Variants in LITAF observed in about 807,000 individuals in gnomAD.
The protein encoded by LITAF is lipopolysaccharide induced TNF factor.
Under a neutral mutation model 14.5 loss-of-function variants are expected in LITAF, and 9 were observed. The ratio of observed to expected loss-of-function variants is 0.62; its 90% CI spans 0.37 to 1.08. The LOEUF is 1.08. LITAF is among the 50% of genes least tolerant of loss of function. LITAF has a pLI of 0.01. For missense variants in LITAF, 206 were observed against 213.4 expected (o/e 0.97, Z 0.22); for synonymous variants, 98 against 88.2 (o/e 1.11, Z -0.62).
At chr16:11,631,592 G>A (rs947501142) in intron 3 of LITAF, among the ~76,000 whole-genome samples, 4 of 152,176 alleles carry the variant, frequency 2.6e-5, no homozygotes, top group African/African-American at 4.8e-5. Context: ...GTTTCACTAC[G>A]TTGCCCAGTC....
upstream of LITAF, among the ~76,000 whole-genome samples, chr16:11,640,270 G>A (rs567860049): frequency 5.3e-5 from 8 of 152,314 alleles, no homozygotes; most frequent in Admixed American, 5.2e-4. Context: ...ATGAACAAAC[G>A]AATGAAGGGG....
At chr16:11,616,703 C>T (rs2065021568) in intron 3 of LITAF, among the ~76,000 whole-genome samples, 1 of 151,824 alleles carries the variant, frequency 6.6e-6, no homozygotes, top group African/African-American at 2.4e-5. Context: ...TCATAAACAT[C>T]AAAAGATGCC....
intron 3 of LITAF, among the ~76,000 whole-genome samples, chr16:11,623,148 G>A (rs1011799876): frequency 6.6e-6 from 1 of 151,122 alleles, no homozygotes; most frequent in African/African-American, 2.4e-5. Flanking sequence ...ATTTTTAGTA[G>A]AGACGGGTTT....
At chr16:11,561,497 A>C (rs1396207022) in intron 1 of LITAF, 2 of 152,178 alleles carry the variant, frequency 1.3e-5, no homozygotes, top group Non-Finnish European at 2.9e-5. Flanking sequence ...GTAACATCTT[A>C]TCTTCTGGGA....
Position 11,549,350 on chromosome 16 carries a change from A to C in LITAF, c.*287T>G. 2.0e-6 allele frequency: 1 copy of C among 492,018 alleles called. No individual in the cohort carries two copies. The highest frequency in any genetic ancestry group is 5.7e-5 in the East Asian group (1 of 17,590). The allele number at this position is 492,018 out of a possible 1,614,324, so 30.5% of individuals were successfully genotyped here. A position where few individuals can be genotyped will look rare whatever the true frequency, so the allele number is the denominator to read the frequency against. ...CACAGGAAGATATTCGGATAGGGCA[A>C]TGATCACAGTTAGATGGCAGGACTC... On this transcript the variant is annotated 3_prime_UTR_variant, in exon 4 of 4. Transcript: ENST00000622633. This position sits in a 1 kb window ranked among gnomAD's most constrained non-coding sequence, Gnocchi z 4.6.
chr16:11,604,321 T>C (rs1055506337), intron 3 of LITAF, among the ~76,000 whole-genome samples: 1 of 152,224 alleles, frequency 6.6e-6, no homozygotes, highest in African/African-American at 2.4e-5. Context: ...TGACCTCTCA[T>C]GAGCCCCTGT....
intron 3 of LITAF, among the ~76,000 whole-genome samples, chr16:11,611,874 A>G (rs1379461200): frequency 6.6e-6 from 1 of 152,108 alleles, no homozygotes; most frequent in Non-Finnish European, 1.5e-5. Flanking sequence ...CATGTTGTCC[A>G]GGCTGGTCTC....
chr16:11,567,628 G>A (rs987972373), intron 1 of LITAF, among the ~76,000 whole-genome samples: 1 of 152,102 alleles, frequency 6.6e-6, no homozygotes, highest in African/African-American at 2.4e-5. Context: ...CTCAGCGGAG[G>A]AGACCCCTTG....
upstream of LITAF, among the ~76,000 whole-genome samples, chr16:11,588,066 C>A (rs1325740379): frequency 6.6e-6 from 1 of 152,162 alleles, no homozygotes; most frequent in African/African-American, 2.4e-5. Context: ...GTTCTTGCCA[C>A]CTTGCGCCAT....
intron 1 of LITAF, among the ~76,000 whole-genome samples, chr16:11,569,746 A>G (rs887763540): frequency 6.6e-6 from 1 of 152,186 alleles, no homozygotes; most frequent in Non-Finnish European, 1.5e-5. Flanking sequence ...AAGGTAAGAC[A>G]ATGGGGCCAA....
upstream of LITAF, among the ~76,000 whole-genome samples, chr16:11,590,757 G>C (rs1396572769): frequency 8.5e-6 from 1 of 117,934 alleles, no homozygotes; most frequent in Admixed American, 8.3e-5. Flanking sequence ...TTTTGAGATA[G>C]AGTCTCGTTC....
At chr16:11,568,926 C>T (rs919951229) in intron 1 of LITAF, among the ~76,000 whole-genome samples, 1 of 152,008 alleles carries the variant, frequency 6.6e-6, no homozygotes. Flanking sequence ...GTGATCCACC[C>T]GCTTCAGCCT....
At chr16:11,571,335 G>A (rs573760475) in intron 1 of LITAF, among the ~76,000 whole-genome samples, 2 of 152,290 alleles carry the variant, frequency 1.3e-5, no homozygotes, top group East Asian at 1.9e-4. Context: ...CCAAAGTGGT[G>A]GGATTACAGG....
chr16:11,613,357 A>C (rs1243762047), intron 3 of LITAF, among the ~76,000 whole-genome samples: 1 of 151,972 alleles, frequency 6.6e-6, no homozygotes, highest in Non-Finnish European at 1.5e-5. Context: ...GAGAGACCAG[A>C]CCTCCTGGGT....
At chr16:11,573,143 T>C (rs985530607) in intron 1 of LITAF, among the ~76,000 whole-genome samples, 6 of 152,106 alleles carry the variant, frequency 3.9e-5, no homozygotes, top group African/African-American at 1.4e-4. Context: ...TTGCCCAGGC[T>C]GGTCCCAAAC....
At chr16:11,629,879 G>A (rs991815192) in intron 3 of LITAF, among the ~76,000 whole-genome samples, 4 of 152,168 alleles carry the variant, frequency 2.6e-5, no homozygotes, top group South Asian at 2.1e-4. Flanking sequence ...ACAGCCTGGC[G>A]CATGGCAAGT....
rs542696261 is a variant in LITAF at position 11,562,246 on chromosome 16, G to A, written c.-5-5511C>T. Among the ~76,000 whole-genome samples the A allele has an allele frequency of 3.8e-3, 558 of 148,426 alleles. 3 individuals carry two copies. Among genetic ancestry groups the A allele is most frequent in the Non-Finnish European group, 5.1e-3 (346 of 67,370 alleles). ...TCTCCACACTGTGAACCTGGGAGAT[G>A]GAGGCTGCAGTGAGCCGAGATCGTG... is the stretch of plus-strand genomic sequence containing the variant. On this transcript the variant is annotated intron_variant, in intron 1 of 3. Transcript: ENST00000622633.
intron 3 of LITAF, among the ~76,000 whole-genome samples, chr16:11,552,246 G>T (rs1021867017): frequency 1.3e-5 from 2 of 152,170 alleles, no homozygotes; most frequent in African/African-American, 4.8e-5. Context: ...AGTGGCTCAC[G>T]TGGCCAGGTA....
intron 1 of LITAF, among the ~76,000 whole-genome samples, chr16:11,592,856 C>T (rs1336361746): frequency 1.5e-4 from 23 of 151,430 alleles, no homozygotes; most frequent in African/African-American, 4.6e-4. Context: ...GCCTATGTGG[C>T]GAAACCCCAT....
Sources: allele counts gnomAD v4.1 joint callset (sites outside exome capture counted in the v4.1 genomes callset), GRCh38; gene constraint gnomAD v4.1.1; non-coding constraint Gnocchi (gnomAD v3.1); transcripts MANE v1.5; gene names NCBI Gene and HGNC (gene_info 2026-07-23, HGNC 2026-07-21).